HYAL4: variants seen among roughly 807,000 people sequenced by gnomAD.
HYAL4 encodes the protein hyaluronidase 4, also known as hyaluronidase-4.
In HYAL4, 37 loss-of-function variants were observed where a neutral mutation model predicts 35.2. That is an observed-to-expected ratio of 1.05 (90% CI 0.81 to 1.38). The LOEUF (loss-of-function observed/expected upper bound fraction) is 1.38. HYAL4 is among the 40% of genes most tolerant of loss of function. HYAL4 has a pLI of 0.00. For synonymous variants in HYAL4, 198 were observed against 203.2 expected (o/e 0.97, Z 0.22); for missense variants, 572 against 572.4 (o/e 1.00, Z 0.01).
chr7:123,821,074 A>G, the HYAL4 span, among the ~76,000 whole-genome samples: 2 of 152,188 alleles, frequency 1.3e-5, no homozygotes, highest in African/African-American at 4.8e-5. Flanking sequence ...GATTGTTTCC[A>G]TTTCTTGGCT....
chr7:123,858,335 G>T (rs2116941109), intron 2 of HYAL4, among the ~76,000 whole-genome samples: 1 of 152,222 alleles, frequency 6.6e-6, no homozygotes, highest in East Asian at 1.9e-4. Context: ...AAATCTCATA[G>T]TCAAGTTTAA....
In HYAL4 at chr7:123,868,362, A is replaced by C. The variant is rs527652879; in HGVS notation, c.89A>C (p.Lys30Thr). The C allele has an allele frequency of 6.2e-6, 10 of 1,606,518 alleles. No individual in the cohort carries two copies. Among genetic ancestry groups the C allele is most frequent in the Non-Finnish European group, 8.5e-6 (10 of 1,178,050 alleles). Residue 30 changes from lysine (K) to threonine (T), a missense_variant, in exon 3 of 5, where the codon AAG (lysine) becomes ACG (threonine). Transcript: ENST00000223026. Reference sequence around the variant, plus strand: ...TGGCTCCTTATATTTTTTATTCTAAAGTCTATCTCTTGTCTAAAACCTGCT... The same window carrying C: ...TGGCTCCTTATATTTTTTATTCTAACGTCTATCTCTTGTCTAAAACCTGCT... ...TSWLLIFFIL[K>T]SISCLKPARL...
At chr7:123,843,150 C>T (rs1331547667), upstream of HYAL4, among the ~76,000 whole-genome samples, 7 of 152,062 alleles carry the variant, frequency 4.6e-5, no homozygotes, top group Admixed American at 4.6e-4. Flanking sequence ...TTGTTTCTTT[C>T]CATGTTTAGT....
rs905825507 is a variant in HYAL4 at position 123,857,661 on chromosome 7, C to G, written c.-52+9503C>G. On this transcript the variant is annotated intron_variant, in intron 2 of 4. Coordinates refer to ENST00000223026, the MANE Select transcript of HYAL4 (RefSeq NM_012269.3). ...GCCAGCTGCCTTTCTTTGTTTCTTT[C>G]TTTGTTTGTTTCTTTCTTTCTTTCT... Among the ~76,000 whole-genome samples, 263 of 88,324 alleles carry G rather than the reference C, an allele frequency of 3.0e-3. 2 individuals carry two copies. The highest frequency in any genetic ancestry group is 0.011 in the Middle Eastern group (2 of 190). 57.9% of individuals were successfully genotyped at this position (88,324 alleles called of 152,430 possible).
At chr7:123,817,049 T>C in the HYAL4 span, among the ~76,000 whole-genome samples, 2 of 152,194 alleles carry the variant, frequency 1.3e-5, no homozygotes, top group Admixed American at 1.3e-4. Flanking sequence ...CAGGAAAGCT[T>C]ACAGTGGCGT....
chr7:123,844,320 G>A (rs1806130367), upstream of HYAL4: 1 of 152,256 alleles, frequency 6.6e-6, no homozygotes, highest in African/African-American at 2.4e-5. Flanking sequence ...GGTATCACCA[G>A]CGGAGGCTGC....
At chr7:123,809,195 A>C in the HYAL4 span, among the ~76,000 whole-genome samples, 4 of 151,592 alleles carry the variant, frequency 2.6e-5, no homozygotes, top group Non-Finnish European at 5.9e-5. Flanking sequence ...AGATCATGCC[A>C]CTCCCTGACC....
At chr7:123,764,620 G>T in the HYAL4 span, among the ~76,000 whole-genome samples, 1 of 152,208 alleles carries the variant, frequency 6.6e-6, no homozygotes, top group Admixed American at 6.5e-5. Context: ...AGTGACGAAG[G>T]GAAGATGCTT....
chr7:123,867,442 T>G (rs747370773), intron 2 of HYAL4, among the ~76,000 whole-genome samples: 1 of 152,226 alleles, frequency 6.6e-6, no homozygotes, highest in Non-Finnish European at 1.5e-5. Context: ...GATAATCTGG[T>G]AAGTTTCAGT....
the HYAL4 span, among the ~76,000 whole-genome samples, chr7:123,816,346 C>A: frequency 6.6e-6 from 1 of 152,122 alleles, no homozygotes; most frequent in African/African-American, 2.4e-5. Context: ...CTAAGGTATT[C>A]CTCAAGTGAT....
chr7:123,867,294 T>C (rs1584924831), intron 2 of HYAL4, among the ~76,000 whole-genome samples: 1 of 152,202 alleles, frequency 6.6e-6, no homozygotes, highest in South Asian at 2.1e-4. Flanking sequence ...TTGGGGTCTA[T>C]AAAGTAGGGA....
chr7:123,867,223 G>C (rs1278402769), intron 2 of HYAL4, among the ~76,000 whole-genome samples: 3 of 152,088 alleles, frequency 2.0e-5, no homozygotes, highest in African/African-American at 7.2e-5. Context: ...CCTTATTTGG[G>C]TGCTGCAGCC....
intron 1 of HYAL4, among the ~76,000 whole-genome samples, chr7:123,839,926 A>T (rs1377984966): frequency 6.6e-6 from 1 of 152,120 alleles, no homozygotes; most frequent in African/African-American, 2.4e-5. Flanking sequence ...ATTTTCTGCC[A>T]TGCTGTAGGT....
At chr7:123,772,299 G>A in the HYAL4 span, among the ~76,000 whole-genome samples, 8,220 of 152,264 alleles carry the variant, frequency 0.054, 299 homozygotes, top group Non-Finnish European at 0.084. Flanking sequence ...AAGTCACTAA[G>A]GCTGGAAGCA....
upstream of HYAL4, chr7:123,844,995 C>T (rs1053992915): frequency 6.6e-5 from 10 of 152,136 alleles, no homozygotes; most frequent in East Asian, 3.9e-4. Context: ...GAGGCGATGC[C>T]CCCGCCTGCT....
chr7:123,863,867 T>G (rs781213704), intron 2 of HYAL4, among the ~76,000 whole-genome samples: 2 of 152,100 alleles, frequency 1.3e-5, no homozygotes, highest in African/African-American at 2.4e-5. Context: ...CAAGTAAGCT[T>G]CTTTGGGGAA....
the HYAL4 span, among the ~76,000 whole-genome samples, chr7:123,818,466 G>C: frequency 6.6e-6 from 1 of 152,114 alleles, no homozygotes; most frequent in Non-Finnish European, 1.5e-5. Flanking sequence ...TGTTAAGGAA[G>C]CCTTCCCAGA....
intron 2 of HYAL4, among the ~76,000 whole-genome samples, chr7:123,858,351 A>C (rs1468661857): frequency 6.6e-6 from 1 of 152,198 alleles, no homozygotes; most frequent in Non-Finnish European, 1.5e-5. Flanking sequence ...TTTAACGAAG[A>C]TTGACAGAGA....
At chr7:123,874,155 A>G (rs1806950133) in intron 3 of HYAL4, among the ~76,000 whole-genome samples, 2 of 152,210 alleles carry the variant, frequency 1.3e-5, no homozygotes, top group Non-Finnish European at 2.9e-5. Flanking sequence ...ATTTATTTCA[A>G]TTAAATAATT....
Sources: gnomAD v4.1 joint callset for allele counts (sites outside exome capture counted in the v4.1 genomes callset) on GRCh38, gnomAD v4.1.1 for gene constraint, MANE v1.5 for transcripts, NCBI Gene and HGNC (gene_info 2026-07-23, HGNC 2026-07-21) for gene names.